TRAPPC11: variants seen among roughly 807,000 people sequenced by gnomAD.
The protein encoded by TRAPPC11 is foie gras homolog.
TRAPPC11 carries 104 observed loss-of-function variants against 151.2 expected under a neutral mutation model. The ratio of observed to expected loss-of-function variants is 0.69; its 90% CI spans 0.59 to 0.81. TRAPPC11 has a LOEUF of 0.81. TRAPPC11 is among the 30% of genes least tolerant of loss of function. The probability of loss-of-function intolerance (pLI) is 0.00; values close to 1 mark genes in which losing one functional copy is unlikely to be tolerated. For synonymous variants in TRAPPC11, 456 were observed against 472.3 expected, an observed-to-expected ratio of 0.97 and a Z score of 0.45; for missense variants, 1,230 against 1,349.6, an observed-to-expected ratio of 0.91 and a Z score of 1.39.
intron 18 of TRAPPC11, among the ~76,000 whole-genome samples, chr4:183,687,503 A>G (rs1736043255): frequency 6.6e-6 from 1 of 151,794 alleles, no homozygotes; most frequent in African/African-American, 2.4e-5. Flanking sequence ...TAACTTTTGT[A>G]TTTTTTGTAG....
Position 183,712,641 on chromosome 4 carries a change from A to G in TRAPPC11, c.3399A>G (p.Ala1133=). 1.2e-6 allele frequency: 2 copies of G among 1,614,206 alleles called. No individual in the cohort carries two copies. The highest frequency in any genetic ancestry group is 1.7e-6 in the Non-Finnish European group (2 of 1,180,032). The change falls in exon 30 of 30, where the codon GCA becomes GCG. Residue 1133 remains alanine (A), a synonymous_variant. Coordinates refer to ENST00000334690, the MANE Select transcript of TRAPPC11 (RefSeq NM_021942.6). ...RLMDDTSIAA[A] ...TGGATGATACCTCTATTGCTGCTGC[A>G]TGATGTTCAAGACCGGCCCTTGGCT...
chr4:183,674,292 C>T (rs1001848851), intron 5 of TRAPPC11, among the ~76,000 whole-genome samples: 1 of 151,938 alleles, frequency 6.6e-6, no homozygotes, highest in Non-Finnish European at 1.5e-5. Context: ...GTGGCACATG[C>T]CTATAGTCCC....
chr4:183,706,345 A>G (rs1456401179), intron 27 of TRAPPC11, among the ~76,000 whole-genome samples: 2 of 152,098 alleles, frequency 1.3e-5, no homozygotes, highest in Non-Finnish European at 2.9e-5. Flanking sequence ...AACACGGTGA[A>G]ACCCCGTCTC....
intron 4 of TRAPPC11, 27 bp from the exon 5 acceptor site, chr4:183,667,976 A>G: frequency 7.6e-7 from 1 of 1,315,100 alleles, no homozygotes; most frequent in Non-Finnish European, 1.1e-6. Context: ...TTTATTTCTC[A>G]TTCATCTTGA....
At chr4:183,707,549 CAG>C (rs1737136060) in intron 28 of TRAPPC11, among the ~76,000 whole-genome samples, 1 of 152,098 alleles carries the variant, frequency 6.6e-6, no homozygotes, top group South Asian at 2.1e-4. Context: ...AGAGGGATAA[CAG>C]AGATGACCCT....
At position 183,686,618 on chromosome 4, in the gene TRAPPC11, T is replaced by G; in HGVS notation, c.1763T>G (p.Val588Gly). 1.2e-6 allele frequency: 2 copies of G among 1,613,972 alleles called. No individual in the cohort carries two copies. The highest frequency in any genetic ancestry group is 2.2e-5 in the South Asian group (2 of 91,080). Reference protein sequence around the residue: ...TIGVQDFVPFVQCKAKFHAPS... With the variant: ...TIGVQDFVPFGQCKAKFHAPS... ...CACAGCCCTTTTGTTTTATTTCTAG[T>G]GCAGTGCAAAGCCAAGTTTCATGCC... is the stretch of plus-strand genomic sequence containing the variant. Residue 588 changes from valine (V) to glycine (G), a missense_variant and splice_region_variant, in exon 18 of 30, where the codon GTG (valine) becomes GGG (glycine). Val to Gly is a moderately radical substitution (Grantham distance 109). Coordinates refer to ENST00000334690, the MANE Select transcript of TRAPPC11 (RefSeq NM_021942.6).
At position 183,677,358 on chromosome 4, in the gene TRAPPC11, C is replaced by A. The variant is rs146736486; in HGVS notation, c.735-100C>A. On this transcript the variant is annotated intron_variant, in intron 7 of 29. Coordinates refer to ENST00000334690, the MANE Select transcript of TRAPPC11 (RefSeq NM_021942.6). ...ATTGACATTATTGAGCTGTTGAGCACTAAAATGTTGAGTAAATATTCTTTG... is the reference window on the plus strand; with the variant it reads ...ATTGACATTATTGAGCTGTTGAGCAATAAAATGTTGAGTAAATATTCTTTG... 372 of 771,418 alleles carry A rather than the reference C, an allele frequency of 4.8e-4. 4 individuals are homozygous for A. In the East Asian group the frequency reaches 9.2e-3, roughly 19 times the overall value. 47.8% of individuals were successfully genotyped at this position (771,418 alleles called of 1,614,324 possible).
intron 1 of TRAPPC11, among the ~76,000 whole-genome samples, chr4:183,659,961 T>C (rs1208986489): frequency 6.6e-6 from 1 of 152,212 alleles, no homozygotes; most frequent in African/African-American, 2.4e-5. Flanking sequence ...GGGTCACCTT[T>C]CTTATCTTTC....
Position 183,693,653 on chromosome 4 carries a change from G to T in TRAPPC11, c.2302G>T (p.Glu768Ter). Residue 768 changes from glutamate (E) to a stop codon, truncating the protein, a stop_gained, in exon 21 of 30, where the codon GAA becomes TAA. Transcript: ENST00000334690. LOFTEE classifies it high-confidence loss of function. Reference protein sequence around the residue: ...LLHEPPALTNEMYCLVVTVQS... With the variant: ...LLHEPPALTN ...ACATGAACCCCCTGCACTGACTAAT[G>T]AAATGTATTGTTTGGTTGTGACTGT... The T allele has an allele frequency of 6.2e-7, 1 of 1,614,082 alleles. No individual in the cohort carries two copies. The highest frequency in any genetic ancestry group is 1.1e-5 in the South Asian group (1 of 91,084).
At chr4:183,677,138 A>G (rs998516361) in intron 7 of TRAPPC11, among the ~76,000 whole-genome samples, 5 of 152,172 alleles carry the variant, frequency 3.3e-5, no homozygotes, top group Non-Finnish European at 7.3e-5. Context: ...GGTACTTTAA[A>G]ATACTTATGT....
chr4:183,685,273 T>C lies in TRAPPC11; in HGVS notation c.1632T>C (p.Asn544=), dbSNP rs773582997. ...ATGTTAACTCTGTGTTGATGCAGAA[T>C]GAAAGTCCTGATCCAGAACCCGACT... ...IEKNLINVLM[N]ESPDPEPDCD... is the part of the protein sequence containing the mutation. The change falls in exon 17 of 30, where the codon AAT becomes AAC. Residue 544 remains asparagine, a splice_region_variant and synonymous_variant. Coordinates refer to ENST00000334690, the MANE Select transcript of TRAPPC11 (RefSeq NM_021942.6). 9 of 1,613,462 alleles carry C rather than the reference T, an allele frequency of 5.6e-6. No homozygotes were observed. In the East Asian group the frequency reaches 2.0e-4, roughly 36 times the overall value.
intron 23 of TRAPPC11, among the ~76,000 whole-genome samples, chr4:183,697,243 C>T (rs558765284): frequency 6.6e-5 from 10 of 151,824 alleles, no homozygotes; most frequent in African/African-American, 1.5e-4. Context: ...CCCAGGTGTT[C>T]GAGGCTGCAG....
intron 10 of TRAPPC11, among the ~76,000 whole-genome samples, chr4:183,681,775 AAAG>A (rs1173149300): frequency 2.5e-5 from 3 of 121,556 alleles, no homozygotes; most frequent in Admixed American, 8.6e-5. Context: ...TCTGTCTCAA[AAAG>A]AAAAAAAAAG....
chr4:183,682,754 C>G lies in TRAPPC11; in HGVS notation c.1136C>G (p.Pro379Arg). 1.2e-6 allele frequency: 2 copies of G among 1,613,312 alleles called. No homozygotes were observed. Among genetic ancestry groups the G allele is most frequent in the Non-Finnish European group, 1.7e-6 (2 of 1,179,392 alleles). Residue 379 changes from proline (P) to arginine (R), a missense_variant, in exon 11 of 30, where the codon CCT (proline) becomes CGT (arginine). By Grantham distance (103) the Pro-to-Arg change is moderately radical. Coordinates refer to ENST00000334690, the MANE Select transcript of TRAPPC11 (RefSeq NM_021942.6). ...NHEASVMYPN[P>R]DPLETQTGVL... is the part of the protein sequence containing the mutation. The stretch of plus-strand genomic sequence containing the variant: ...CAGGCTTCTGTAATGTATCCCAATC[C>G]TGATCCCTTAGAAACACAAACAGGC...
intron 23 of TRAPPC11, among the ~76,000 whole-genome samples, chr4:183,697,066 G>A (rs1736573433): frequency 6.6e-6 from 1 of 152,142 alleles, no homozygotes; most frequent in African/African-American, 2.4e-5. Context: ...GTTCACTCCT[G>A]TAGTACCAGC....
Position 183,662,142 on chromosome 4 carries a change from G to C in TRAPPC11, c.-21-1705G>C, listed in dbSNP as rs185062000. 2.6e-5 allele frequency among the ~76,000 whole-genome samples: 4 copies of C among 152,130 alleles called. No homozygotes were observed. The East Asian group carries it at 7.7e-4, about 29-fold the overall frequency. On this transcript the variant is annotated intron_variant, in intron 1 of 29. Transcript: ENST00000334690. ...GGGAGGCCAAGGCTGGCAATCGCCT[G>C]AGGTCACGAGATCAAGACCATCCTG...
intron 20 of TRAPPC11, 75 bp downstream of exon 20, chr4:183,693,222 C>T: frequency 7.2e-7 from 1 of 1,382,794 alleles, no homozygotes. Flanking sequence ...GAGACAGAGT[C>T]TCTCTCTTGT....
chr4:183,685,052 T>C (rs769841420), intron 15 of TRAPPC11, 32 bp from the exon 16 acceptor site: 2 of 1,601,410 alleles, frequency 1.2e-6, no homozygotes, highest in Non-Finnish European at 1.7e-6. Flanking sequence ...TTATAAGTAC[T>C]TAAAATGTTT....
chr4:183,684,073 A>G lies in TRAPPC11; in HGVS notation c.1287+19A>G, dbSNP rs1735837741. 1 of 1,611,848 alleles carries G rather than the reference A, an allele frequency of 6.2e-7. No homozygotes were observed. Among genetic ancestry groups the G allele is most frequent in the Non-Finnish European group, 8.5e-7 (1 of 1,178,116 alleles). ...TCACTCTGTAAGTTTTGTGTCCAAT[A>G]TAAACTATTTTTTACACTATTTAAG... is the stretch of plus-strand genomic sequence containing the variant. On this transcript the variant is annotated intron_variant, in intron 12 of 29. Coordinates refer to ENST00000334690, the MANE Select transcript of TRAPPC11 (RefSeq NM_021942.6).
Sources: gnomAD v4.1 joint callset for allele counts (sites outside exome capture counted in the v4.1 genomes callset) on GRCh38, gnomAD v4.1.1 for gene constraint, MANE v1.5 for transcripts, NCBI Gene and HGNC (gene_info 2026-07-23, HGNC 2026-07-21) for gene names.